RIF1: variants seen among roughly 807,000 people sequenced by gnomAD.
The protein encoded by RIF1 is telomere-associated protein RIF1.
In RIF1, 45 loss-of-function variants were observed where a neutral mutation model predicts 247.1. The ratio of observed to expected loss-of-function variants is 0.18; its 90% CI spans 0.14 to 0.23. RIF1 has a LOEUF of 0.23. Among genes scored for constraint, RIF1 ranks in the 10% least tolerant of loss-of-function variants. The pLI is 1.00. For synonymous variants in RIF1, 1,087 were observed against 978.8 expected (o/e 1.11, Z -2.06); for missense variants, 2,967 against 2,862.5 (o/e 1.04, Z -0.83).
intron 18 of RIF1, among the ~76,000 whole-genome samples, chr2:151,444,956 CA>C (rs1008645365): frequency 1.3e-5 from 2 of 152,188 alleles, no homozygotes; most frequent in Non-Finnish European, 2.9e-5. Flanking sequence ...AGCTCTGAGA[CA>C]GAATCTGTTC....
chr2:151,437,723 A>G (rs1691500327), intron 13 of RIF1, among the ~76,000 whole-genome samples: 2 of 152,196 alleles, frequency 1.3e-5, no homozygotes. Flanking sequence ...AATAACAAAT[A>G]TTTATATAGT....
chr2:151,413,960 C>G (rs889167752), intron 3 of RIF1, among the ~76,000 whole-genome samples: 1 of 152,124 alleles, frequency 6.6e-6, no homozygotes, highest in African/African-American at 2.4e-5. Context: ...TTGAGATACT[C>G]TTTGACAGAT....
intron 26 of RIF1, among the ~76,000 whole-genome samples, chr2:151,460,743 A>T (rs1368552251): frequency 6.6e-6 from 1 of 152,258 alleles, no homozygotes; most frequent in Admixed American, 6.5e-5. Context: ...TATTAAGATA[A>T]TATTGTAGTA....
chr2:151,532,086 C>T, the RIF1 span: 1 of 495,002 alleles, frequency 2.0e-6, no homozygotes. Context: ...GATACTACTA[C>T]TAATAATTTC....
chr2:151,518,857 A>G, the RIF1 span: 2 of 701,092 alleles, frequency 2.9e-6, no homozygotes, highest in South Asian at 3.5e-5. Context: ...CAGTTTTGTA[A>G]TAAATCTAGG....
chr2:151,440,229 T>C, intron 15 of RIF1, 102 bp downstream of exon 15: 1 of 691,648 alleles, frequency 1.4e-6, no homozygotes, highest in Non-Finnish European at 2.5e-6. Flanking sequence ...GACTTTTTTA[T>C]ATCAAGCATT....
chr2:151,484,888 TTCGC>T (rs2049440732), downstream of RIF1, among the ~76,000 whole-genome samples: 1 of 152,198 alleles, frequency 6.6e-6, no homozygotes, highest in South Asian at 2.1e-4. Context: ...ACGTTGGTCA[TTCGC>T]AAGTGAGTGC....
At position 151,462,957 on chromosome 2, in the gene RIF1, A is replaced by C; in HGVS notation, c.3437A>C (p.Glu1146Ala). The C allele has an allele frequency of 6.2e-7, 1 of 1,614,102 alleles. No individual in the cohort carries two copies. Among genetic ancestry groups the C allele is most frequent in the Non-Finnish European group, 8.5e-7 (1 of 1,179,966 alleles). Residue 1146 changes from glutamate to alanine, a missense_variant, in exon 30 of 36, where the codon GAA (glutamate) becomes GCA (alanine). This residue lies in a region of RIF1 where 2,028 missense variants were observed against 1,825.6 expected (regional missense o/e 1.11). Coordinates refer to ENST00000444746, the MANE Select transcript of RIF1 (RefSeq NM_018151.5). ...TEDCGMAEHL[E>A]KSSLSNNECG... The stretch of plus-strand genomic sequence containing the variant: ...GACTGTGGTATGGCTGAACATCTTG[A>C]AAAGTCCTCCCTTTCGAATAATGAG...
intron 14 of RIF1, 72 bp downstream of exon 14, chr2:151,438,818 G>T: frequency 1.1e-6 from 1 of 890,018 alleles, no homozygotes; most frequent in South Asian, 1.4e-5. Context: ...TATAGCATCC[G>T]GTGAATTGTT....
the RIF1 span, among the ~76,000 whole-genome samples, chr2:151,526,535 A>G: frequency 2.6e-5 from 4 of 152,192 alleles, no homozygotes; most frequent in Non-Finnish European, 2.9e-5. Flanking sequence ...TGTCCCTCCC[A>G]TAAGCCCTCC....
chr2:151,444,458 C>T (rs931952400), intron 18 of RIF1, among the ~76,000 whole-genome samples: 10 of 152,090 alleles, frequency 6.6e-5, no homozygotes, highest in Non-Finnish European at 1.0e-4. Context: ...TACAGGTGCA[C>T]GCCACCAAGC....
chr2:151,491,787 A>G, intron 9 of RIF1: 1 of 1,563,866 alleles, frequency 6.4e-7, no homozygotes, highest in Non-Finnish European at 8.7e-7. Flanking sequence ...TGAAAGGGAA[A>G]CCAGTGATCA....
intron 22 of RIF1, among the ~76,000 whole-genome samples, chr2:151,455,845 T>C (rs1237301563): frequency 6.6e-6 from 1 of 152,200 alleles, no homozygotes; most frequent in Non-Finnish European, 1.5e-5. Context: ...GAGAATCTCA[T>C]TTTTAAAAAT....
chr2:151,461,273 G>A lies in RIF1; in HGVS notation c.3211G>A (p.Val1071Ile), dbSNP rs1040953853. ...AATATTAACTGATCATCAAAAAGAA[G>A]TTCTCAAAACAAAGCGGTTTGTAGG... ...ERILTDHQKEVLKTKRCDIPA... is the reference protein window; with the variant it reads ...ERILTDHQKEILKTKRCDIPA... Residue 1071 changes from valine to isoleucine, a missense_variant, in exon 27 of 36, where the codon GTT becomes ATT. Physicochemically the swap from Val to Ile is conservative, Grantham distance 29. Transcript: ENST00000444746. The A allele has an allele frequency of 1.1e-5, 18 of 1,612,164 alleles. No homozygotes were observed. The highest frequency in any genetic ancestry group is 1.5e-5 in the Non-Finnish European group (18 of 1,179,510).
chr2:151,455,843 C>T (rs1281584319), intron 22 of RIF1, among the ~76,000 whole-genome samples: 1 of 152,142 alleles, frequency 6.6e-6, no homozygotes, highest in Non-Finnish European at 1.5e-5. Context: ...ATGAGAATCT[C>T]ATTTTTAAAA....
intron 8 of RIF1, 70 bp downstream of exon 8, chr2:151,423,112 T>C (rs1375219388): frequency 6.0e-6 from 5 of 829,202 alleles, no homozygotes; most frequent in African/African-American, 1.7e-5. Context: ...ACCTTTTCTT[T>C]GTACAGTTGA....
chr2:151,446,289 G>A (rs901422807), intron 19 of RIF1, 137 bp from the exon 20 acceptor site: 14 of 814,092 alleles, frequency 1.7e-5, no homozygotes, highest in African/African-American at 3.5e-5. Context: ...GTGAGCCACT[G>A]CACCCGGCCG....
rs373469199 is a variant in RIF1 at position 151,410,281 on chromosome 2, C to A, written c.-10-133C>A. On this transcript the variant is annotated intron_variant, in intron 1 of 35. Coordinates refer to ENST00000444746, the MANE Select transcript of RIF1 (RefSeq NM_018151.5). ...GCGCTGGGGTTTGGTGATTCGGAGGCCTGGGGTGCAGACGCGGCGTGGCTG... is the reference window on the plus strand; with the variant it reads ...GCGCTGGGGTTTGGTGATTCGGAGGACTGGGGTGCAGACGCGGCGTGGCTG... 1,152 of 693,602 alleles carry A rather than the reference C, an allele frequency of 1.7e-3. 28 individuals carry two copies. In the South Asian group the frequency reaches 0.019, roughly 11 times the overall value. 43.0% of individuals were successfully genotyped at this position (693,602 alleles called of 1,614,324 possible). A position where few individuals can be genotyped will look rare whatever the true frequency, so the allele number is the denominator to read the frequency against.
downstream of RIF1, chr2:151,486,004 A>G (rs776645459): frequency 1.0e-5 from 15 of 1,476,010 alleles, no homozygotes; most frequent in African/African-American, 1.4e-5. Flanking sequence ...ATCTATTTGT[A>G]AGATCTCTCA....
Sources: allele counts gnomAD v4.1 joint callset (sites outside exome capture counted in the v4.1 genomes callset), GRCh38; gene constraint gnomAD v4.1.1; regional missense constraint gnomAD v4.1.1; transcripts MANE v1.5; gene names NCBI Gene and HGNC (gene_info 2026-07-23, HGNC 2026-07-21).